The following MYO1D variants were observed in gnomAD, a reference collection of about 807,000 sequenced individuals.
MYO1D encodes the protein unconventional myosin-Id.
MYO1D carries 83 observed loss-of-function variants against 122.0 expected under a neutral mutation model. That is an observed-to-expected ratio of 0.68 (90% confidence interval 0.57 to 0.82). The LOEUF (loss-of-function observed/expected upper bound fraction) is 0.82, where lower values mean the gene tolerates loss of function less well. Ranked by LOEUF, MYO1D falls within the 40% of genes least tolerant of loss-of-function variation. MYO1D has a pLI of 0.00. For missense variants in MYO1D, 1,157 were observed against 1,269.5 expected (o/e 0.91, Z 1.35); for synonymous variants, 464 against 446.9 (o/e 1.04, Z -0.48).
chr17:32,754,748 G>GT, intron 11 of MYO1D, among the ~76,000 whole-genome samples: 1 of 152,342 alleles, frequency 6.6e-6, no homozygotes, highest in East Asian at 1.9e-4. Context: ...AAGACTATGG[G>GT]TAGGGAAGTC....
At chr17:32,849,540 T>C (rs375319239) in intron 1 of MYO1D, among the ~76,000 whole-genome samples, 1,869 of 150,804 alleles carry the variant, frequency 0.012, 32 homozygotes, top group African/African-American at 0.042. Flanking sequence ...CTGGAAATCA[T>C]CATTCTCAGT....
chr17:32,778,402 C>T (rs2090200882), intron 3 of MYO1D, 78 bp downstream of exon 3: 2 of 1,409,180 alleles, frequency 1.4e-6, no homozygotes, highest in South Asian at 1.2e-5. Context: ...ATGCTCAACC[C>T]CTAGAGTTTA....
chr17:32,607,479 AGTTAAATTAAAAG>A (rs1272660107), intron 20 of MYO1D, among the ~76,000 whole-genome samples: 1 of 152,190 alleles, frequency 6.6e-6, no homozygotes, highest in Non-Finnish European at 1.5e-5. Flanking sequence ...ATGTTGAACA[AGTTAAATTAAAAG>A]GCTGATGAAA....
chr17:32,616,235 C>T (rs1180078291), intron 20 of MYO1D, among the ~76,000 whole-genome samples: 1 of 152,164 alleles, frequency 6.6e-6, no homozygotes, highest in Non-Finnish European at 1.5e-5. Flanking sequence ...GAGATCCTGG[C>T]CCTTGACCTT....
At chr17:32,719,337 A>C (rs1308069136) in intron 15 of MYO1D, among the ~76,000 whole-genome samples, 2 of 149,300 alleles carry the variant, frequency 1.3e-5, no homozygotes, top group African/African-American at 4.9e-5. Flanking sequence ...AGCATCCTTA[A>C]ACATCTCCTT....
chr17:32,707,068 A>C (rs1352032588), intron 16 of MYO1D, among the ~76,000 whole-genome samples: 2 of 152,168 alleles, frequency 1.3e-5, no homozygotes, highest in Admixed American at 1.3e-4. Context: ...TTATATTGAG[A>C]GTGAAAATTT....
At chr17:32,851,199 C>G (rs989136832) in intron 1 of MYO1D, among the ~76,000 whole-genome samples, 2 of 152,130 alleles carry the variant, frequency 1.3e-5, no homozygotes, top group African/African-American at 4.8e-5. Context: ...TCTCAGCCAA[C>G]ATCTTGCCTT....
intron 16 of MYO1D, among the ~76,000 whole-genome samples, chr17:32,670,875 C>T (rs1308856152): frequency 1.3e-5 from 2 of 152,210 alleles, no homozygotes; most frequent in Non-Finnish European, 2.9e-5. Flanking sequence ...GCCTTTACCA[C>T]CCTTCAATTG....
intron 14 of MYO1D, among the ~76,000 whole-genome samples, chr17:32,734,559 C>CA (rs1302849194): frequency 6.6e-6 from 1 of 152,140 alleles, no homozygotes; most frequent in Non-Finnish European, 1.5e-5. Flanking sequence ...ACAAAGGCAA[C>CA]AAATGGATCA....
chr17:32,567,398 A>C (rs781302011), intron 21 of MYO1D, among the ~76,000 whole-genome samples: 1 of 152,248 alleles, frequency 6.6e-6, no homozygotes, highest in Non-Finnish European at 1.5e-5. Flanking sequence ...CTAAGCACCT[A>C]CATGTGCCAC....
chr17:32,822,563 C>A (rs925384267), intron 1 of MYO1D, among the ~76,000 whole-genome samples: 1 of 129,362 alleles, frequency 7.7e-6, no homozygotes, highest in Admixed American at 7.7e-5. Context: ...GGACGGGGCC[C>A]GGGGAGCGTG....
rs970574453 is a variant in MYO1D, at chr17:32,553,117, A to G, written c.2864+51970T>C. Among the ~76,000 whole-genome samples, 5 of 151,838 alleles carry G rather than the reference A, an allele frequency of 3.3e-5. No homozygotes were observed. In the East Asian group the frequency reaches 9.7e-4, roughly 29 times the overall value. The stretch of plus-strand genomic sequence containing the variant: ...AAAAAACAAAACAAAAAAAAAAACA[A>G]AAAAACCAGCAGCATGTCATAGGCT... On this transcript the variant is annotated intron_variant, in intron 21 of 21. Coordinates refer to ENST00000318217, the MANE Select transcript of MYO1D (RefSeq NM_015194.3).
chr17:32,814,512 A>C (rs2090598004), intron 1 of MYO1D, among the ~76,000 whole-genome samples: 1 of 152,258 alleles, frequency 6.6e-6, no homozygotes, highest in African/African-American at 2.4e-5. Context: ...AGGATAATGA[A>C]GGGCCTCCTT....
Position 32,790,662 on chromosome 17 carries a change from C to A in MYO1D, c.96-9878G>T, listed in dbSNP as rs148625834. ...TACAATTAAATGGTATCTACTCCAA[C>A]TCAACTTCTGAGACAGACTTTTCAT... On this transcript the variant is annotated intron_variant, in intron 1 of 21. Transcript: ENST00000318217. Among the ~76,000 whole-genome samples, 976 of 152,332 alleles carry A rather than the reference C, an allele frequency of 6.4e-3. 15 individuals carry two copies. Among genetic ancestry groups the A allele is most frequent in the African/African-American group, 0.022 (930 of 41,574 alleles).
intron 17 of MYO1D, among the ~76,000 whole-genome samples, chr17:32,656,102 C>G (rs559629480): frequency 9.1e-4 from 139 of 152,298 alleles, no homozygotes; most frequent in African/African-American, 3.3e-3. Context: ...CACCCTAGCC[C>G]TGCACGATGC....
chr17:32,789,008 G>GT (rs2090325416), intron 1 of MYO1D, among the ~76,000 whole-genome samples: 1 of 120,172 alleles, frequency 8.3e-6, no homozygotes, highest in African/African-American at 2.8e-5. Flanking sequence ...TTTTTGTTTT[G>GT]TTTTGTTTTT....
intron 1 of MYO1D, among the ~76,000 whole-genome samples, chr17:32,788,953 C>T (rs183821589): frequency 2.6e-5 from 4 of 152,228 alleles, no homozygotes; most frequent in Admixed American, 2.0e-4. Flanking sequence ...GTTTTCCTTG[C>T]AATCTTTCAC....
intron 20 of MYO1D, among the ~76,000 whole-genome samples, chr17:32,613,179 A>G (rs1327162413): frequency 6.6e-6 from 1 of 152,144 alleles, no homozygotes; most frequent in Non-Finnish European, 1.5e-5. Flanking sequence ...AGATTATCAG[A>G]AAAATACTCT....
intron 2 of MYO1D, among the ~76,000 whole-genome samples, chr17:32,779,840 T>C (rs1249084757): frequency 6.6e-6 from 1 of 152,196 alleles, no homozygotes; most frequent in Non-Finnish European, 1.5e-5. Context: ...GAGAGTTGTT[T>C]TGCTCACCAA....
Sources: allele counts gnomAD v4.1 joint callset (sites outside exome capture counted in the v4.1 genomes callset), GRCh38; gene constraint gnomAD v4.1.1; transcripts MANE v1.5; gene names NCBI Gene and HGNC (gene_info 2026-07-23, HGNC 2026-07-21).